The following WFDC1 variants were observed in gnomAD, a reference collection of about 807,000 sequenced individuals.
WFDC1 encodes the protein WAP four-disulfide core domain protein 1.
A neutral mutation model predicts 32.9 loss-of-function variants in WFDC1; 39 were observed. The observed-to-expected ratio is 1.19, with a 90% CI of 0.92 to 1.55. The LOEUF is 1.55. Ranked by LOEUF, WFDC1 falls within the 40% of genes most tolerant of loss-of-function variation. WFDC1 has a pLI of 0.00. For synonymous variants in WFDC1, 184 were observed against 137.4 expected, an observed-to-expected ratio of 1.34 and a Z score of -2.37; for missense variants, 386 against 309.5, an observed-to-expected ratio of 1.25 and a Z score of -1.85.
At chr16:84,319,281 A>G in intron 3 of WFDC1, 150 bp from the exon 4 acceptor site, 1 of 1,058,082 alleles carries the variant, frequency 9.5e-7, no homozygotes, top group East Asian at 2.6e-5. Flanking sequence ...CCCAGGGCCT[A>G]GCCTGGAACC....
chr16:84,302,619 C>T (rs964023881), intron 1 of WFDC1, among the ~76,000 whole-genome samples: 3 of 152,198 alleles, frequency 2.0e-5, no homozygotes, highest in Non-Finnish European at 4.4e-5. Flanking sequence ...CATAAGAGCC[C>T]AGCTCTTCCT....
intron 1 of WFDC1, among the ~76,000 whole-genome samples, chr16:84,303,146 C>T (rs144242306): frequency 6.6e-6 from 1 of 151,756 alleles, no homozygotes; most frequent in African/African-American, 2.4e-5. Context: ...GCACGCTGAA[C>T]TCTAAGCCCA....
At chr16:84,327,015 C>A in intron 6 of WFDC1, 60 bp downstream of exon 6, 3 of 1,545,240 alleles carry the variant, frequency 1.9e-6, no homozygotes, top group Non-Finnish European at 2.7e-6. Flanking sequence ...AGTGTCCTGG[C>A]AGCTTTCACC....
At chr16:84,308,257 T>C (rs1238321658) in intron 1 of WFDC1, among the ~76,000 whole-genome samples, 6 of 152,038 alleles carry the variant, frequency 3.9e-5, no homozygotes, top group Non-Finnish European at 8.8e-5. Context: ...CTGGCCTTGG[T>C]GATTCCACCA....
At chr16:84,318,619 G>C in intron 3 of WFDC1, 1 of 386,920 alleles carries the variant, frequency 2.6e-6, no homozygotes, top group Non-Finnish European at 4.9e-6. Context: ...TTGAAGGGGA[G>C]GGGGCTTAGG....
chr16:84,318,015 A>G (rs1244297352), intron 2 of WFDC1: 1 of 405,930 alleles, frequency 2.5e-6, no homozygotes, highest in South Asian at 2.8e-5. Context: ...AGGAAGTTGC[A>G]TGGTCACTGC....
At position 84,313,087 on chromosome 16, in the gene WFDC1, CG is replaced by C. The variant is rs934583199; in HGVS notation, c.273del (p.His92ThrfsTer14). ...ARCQADSECP[R>X]HRRCCYNGCA... ...CTGTCAGGCGGACTCCGAGTGCCCGCGGCACCGGCGCTGCTGCTACAACGGA... is the reference window on the plus strand; with the variant it reads ...CTGTCAGGCGGACTCCGAGTGCCCGCGCACCGGCGCTGCTGCTACAACGGA... On this transcript the variant is annotated frameshift_variant, in exon 2 of 7. Coordinates refer to ENST00000219454, the MANE Select transcript of WFDC1 (RefSeq NM_021197.4). LOFTEE classifies it high-confidence loss of function. The C allele has an allele frequency of 9.8e-6, 14 of 1,426,902 alleles. No homozygotes were observed. The East Asian group carries it at 2.7e-4, about 28-fold the overall frequency. 88.4% of individuals were successfully genotyped at this position (1,426,902 alleles called of 1,614,324 possible).
At chr16:84,305,285 C>G (rs943052740) in intron 1 of WFDC1, among the ~76,000 whole-genome samples, 1 of 152,192 alleles carries the variant, frequency 6.6e-6, no homozygotes, top group Admixed American at 6.5e-5. Flanking sequence ...CCTCCGTTTC[C>G]TCACCTATGC....
At chr16:84,317,804 C>G (rs1489152790) in intron 2 of WFDC1, 1 of 164,846 alleles carries the variant, frequency 6.1e-6, no homozygotes, top group African/African-American at 2.4e-5. Flanking sequence ...TTTCTTCTCT[C>G]TCAGCTATTA....
In WFDC1 at chr16:84,294,986, C is replaced by T. The variant is rs769014182; in HGVS notation, c.15C>T (p.Gly5=). 18 of 1,613,388 alleles carry T rather than the reference C, an allele frequency of 1.1e-5. No homozygotes were observed. Among genetic ancestry groups the T allele is most frequent in the Admixed American group, 1.7e-5 (1 of 59,948 alleles). The change falls in exon 1 of 7, where the codon GGC becomes GGT. Residue 5 remains glycine, a synonymous_variant. Coordinates refer to ENST00000219454, the MANE Select transcript of WFDC1 (RefSeq NM_021197.4). MPLT[G]VGPGSCRRQI... is the part of the protein sequence containing the mutation. ...CCAGGGAGGAAATGCCTTTAACCGG[C>T]GTGGGGCCGGGCAGCTGCAGGAGGC...
At chr16:84,322,156 TGTGC>T (rs1003685285) in intron 4 of WFDC1, among the ~76,000 whole-genome samples, 5 of 98,976 alleles carry the variant, frequency 5.1e-5, no homozygotes, top group African/African-American at 1.2e-4. Flanking sequence ...TGTGTGTGTG[TGTGC>T]GTGTGTGTGT....
chr16:84,299,910 G>T (rs2151365729), intron 1 of WFDC1, among the ~76,000 whole-genome samples: 1 of 150,498 alleles, frequency 6.6e-6, no homozygotes, highest in Admixed American at 6.5e-5. Context: ...GGGGAGCATT[G>T]CATTGTCTAT....
intron 6 of WFDC1, chr16:84,328,286 C>G (rs1428735279): frequency 6.6e-6 from 1 of 152,230 alleles, no homozygotes; most frequent in Admixed American, 6.5e-5. Context: ...CTTGCCCTCA[C>G]GTGCCCTCAA....
rs1256763951 is a variant in WFDC1 at position 84,329,574 on chromosome 16, C to T, written c.*268C>T. ...CTGCAGCTCCACGAGACCTTTACCC[C>T]GGGAAGAAGCCGCCACCCATGAAAG... On this transcript the variant is annotated 3_prime_UTR_variant, in exon 7 of 7. Transcript: ENST00000219454. 3.3e-5 allele frequency: 5 copies of T among 152,102 alleles called. No homozygotes were observed. The highest frequency in any genetic ancestry group is 5.9e-5 in the Non-Finnish European group (4 of 68,032). 9.4% of individuals were successfully genotyped at this position (152,102 alleles called of 1,614,324 possible).
At chr16:84,323,935 A>G (rs572421234) in intron 4 of WFDC1, among the ~76,000 whole-genome samples, 1 of 152,344 alleles carries the variant, frequency 6.6e-6, no homozygotes, top group African/African-American at 2.4e-5. Flanking sequence ...AGCCTGACCA[A>G]CATGGCGATA....
rs373105917 is a variant in WFDC1, at chr16:84,326,763, G to A, written c.605-119G>A. The A allele has an allele frequency of 3.4e-6, 4 of 1,165,958 alleles. No individual in the cohort carries two copies. In the East Asian group the frequency reaches 7.1e-5, roughly 21 times the overall value. 72.2% of individuals were successfully genotyped at this position (1,165,958 alleles called of 1,614,324 possible). ...AGGTGGGGACTGAGTGACCTCAGCT[G>A]GGGGAGGGAGGAGAGGGCCAGGTCA... is the stretch of plus-strand genomic sequence containing the variant. On this transcript the variant is annotated intron_variant, in intron 5 of 6. Transcript: ENST00000219454.
intron 2 of WFDC1, among the ~76,000 whole-genome samples, chr16:84,315,032 C>T (rs1294348136): frequency 6.6e-6 from 1 of 152,250 alleles, no homozygotes; most frequent in East Asian, 1.9e-4. Context: ...TGCCCAAGGT[C>T]ACACAGCAGG....
At chr16:84,325,673 T>G (rs912771391) in intron 5 of WFDC1, 7 of 152,054 alleles carry the variant, frequency 4.6e-5, no homozygotes, top group African/African-American at 1.7e-4. Flanking sequence ...CAAGCATGCA[T>G]CCATCCATCC....
chr16:84,319,699 C>A, intron 4 of WFDC1, 128 bp downstream of exon 4: 7 of 1,231,842 alleles, frequency 5.7e-6, no homozygotes, highest in Non-Finnish European at 7.8e-6. Flanking sequence ...ACTGAGAGCT[C>A]CTCACATCTT....
Sources: allele counts gnomAD v4.1 joint callset (sites outside exome capture counted in the v4.1 genomes callset), GRCh38; gene constraint gnomAD v4.1.1; transcripts MANE v1.5; gene names NCBI Gene and HGNC (gene_info 2026-07-23, HGNC 2026-07-21).